LAMA2: variants seen among roughly 807,000 people sequenced by gnomAD.
LAMA2 encodes laminin subunit alpha 2.
LAMA2 carries 269 observed loss-of-function variants against 364.8 expected under a neutral mutation model. The ratio of observed to expected loss-of-function variants is 0.74; its 90% CI spans 0.67 to 0.82. The LOEUF (loss-of-function observed/expected upper bound fraction) is 0.82, where lower values mean the gene tolerates loss of function less well. Ranked by LOEUF, LAMA2 falls within the 40% of genes least tolerant of loss-of-function variation. The probability of loss-of-function intolerance (pLI) is 0.00; values close to 1 mark genes in which losing one functional copy is unlikely to be tolerated. For missense variants in LAMA2, 3,807 were observed against 3,873.2 expected (o/e 0.98, Z 0.45); for synonymous variants, 1,379 against 1,370.6 (o/e 1.01, Z -0.14).
At chr6:128,983,055 T>C (rs911301455) in intron 1 of LAMA2, among the ~76,000 whole-genome samples, 3 of 151,700 alleles carry the variant, frequency 2.0e-5, no homozygotes, top group Non-Finnish European at 4.4e-5. Context: ...CTATTGTGAA[T>C]AGTGCCGCAA....
At position 129,502,659 on chromosome 6, in the gene LAMA2, G is replaced by C. The variant is rs1292262843; in HGVS notation, c.8245G>C (p.Gly2749Arg). Residue 2749 changes from glycine to arginine, a missense_variant and splice_region_variant, in exon 59 of 65, where the codon GGT becomes CGT. Coordinates refer to ENST00000421865, the MANE Select transcript of LAMA2 (RefSeq NM_000426.4). ...TTTTTCTCTCCTGGGTATTTTACAG[G>C]GTCCTTGTGCTGCAGAATCAGAACC... ...FPTPTPVLTH[G>R]PCAAESEPAL... is the part of the protein sequence containing the mutation. 5 of 1,608,514 alleles carry C rather than the reference G, an allele frequency of 3.1e-6. No homozygotes were observed. Among genetic ancestry groups the C allele is most frequent in the South Asian group, 2.2e-5 (2 of 90,966 alleles).
intron 37 of LAMA2, among the ~76,000 whole-genome samples, chr6:129,393,840 A>T (rs1779458200): frequency 6.6e-6 from 1 of 152,210 alleles, no homozygotes; most frequent in Non-Finnish European, 1.5e-5. Context: ...GCTTGGAAAA[A>T]TTTTGGTTCC....
At chr6:129,384,225 C>T (rs1778851579) in intron 35 of LAMA2, among the ~76,000 whole-genome samples, 1 of 152,194 alleles carries the variant, frequency 6.6e-6, no homozygotes, top group Admixed American at 6.5e-5. Flanking sequence ...GGTTTATCCT[C>T]TGCTAGATGA....
chr6:129,508,878 T>C (rs1207506157), intron 62 of LAMA2, among the ~76,000 whole-genome samples: 3 of 152,202 alleles, frequency 2.0e-5, no homozygotes, highest in Non-Finnish European at 4.4e-5. Flanking sequence ...AAGAGTGGAA[T>C]TGATGGATCA....
intron 12 of LAMA2, among the ~76,000 whole-genome samples, chr6:129,205,492 A>ATG (rs1341061286): frequency 2.0e-5 from 2 of 99,798 alleles, no homozygotes; most frequent in Non-Finnish European, 3.9e-5. Context: ...ATATATATAT[A>ATG]TACACACACA....
chr6:129,116,329 A>G (rs986633360), intron 4 of LAMA2, among the ~76,000 whole-genome samples: 1 of 152,134 alleles, frequency 6.6e-6, no homozygotes, highest in African/African-American at 2.4e-5. Context: ...ATGTTTTTAG[A>G]ATTTTTCTTG....
intron 37 of LAMA2, among the ~76,000 whole-genome samples, chr6:129,400,032 A>G (rs1323838190): frequency 6.6e-6 from 1 of 152,146 alleles, no homozygotes; most frequent in Non-Finnish European, 1.5e-5. Context: ...TGCAATCAAA[A>G]CTTATTTCTT....
Position 129,402,328 on chromosome 6 carries a change from T to C in LAMA2, c.5567T>C (p.Val1856Ala). The change falls in exon 39 of 65, where the codon GTT (valine) becomes GCT (alanine). Residue 1856 changes from valine to alanine, a missense_variant. Around this residue, in one of 3 missense-constraint regions of LAMA2, gnomAD observed 3,333 missense variants for 3,345.7 expected, o/e 1.00. Transcript: ENST00000421865. Reference protein sequence around the residue: ...ADEINSIIDYVEDIQTKLPPM... With the variant: ...ADEINSIIDYAEDIQTKLPPM... ...GCCCTCTTCTCTACATATCAGTATG[T>C]TGAAGACATCCAAACTAAATTGCCA... The C allele has an allele frequency of 6.2e-7, 1 of 1,613,460 alleles. No individual in the cohort carries two copies. The highest frequency in any genetic ancestry group is 8.5e-7 in the Non-Finnish European group (1 of 1,179,454).
intron 8 of LAMA2, 111 bp downstream of exon 8, chr6:129,154,794 A>G: frequency 1.2e-6 from 1 of 857,632 alleles, no homozygotes; most frequent in Non-Finnish European, 1.9e-6. Flanking sequence ...GTTGAACTTC[A>G]AATTAAAAGG....
intron 1 of LAMA2, among the ~76,000 whole-genome samples, chr6:128,886,941 T>C (rs1334722851): frequency 3.9e-5 from 6 of 152,202 alleles, no homozygotes; most frequent in Non-Finnish European, 8.8e-5. Context: ...TCATCAACTG[T>C]CTAGCCATTT....
chr6:129,224,518 C>T (rs1315199559), intron 12 of LAMA2, among the ~76,000 whole-genome samples: 2 of 152,112 alleles, frequency 1.3e-5, no homozygotes, highest in Non-Finnish European at 2.9e-5. Context: ...GAGATACATC[C>T]CATCAATACC....
intron 20 of LAMA2, chr6:129,292,704 C>T (rs1424840442): frequency 4.3e-5 from 26 of 606,554 alleles, no homozygotes; most frequent in Non-Finnish European, 5.0e-5. Flanking sequence ...TCAAACTGGC[C>T]TTACTGTAGG....
chr6:129,464,467 C>T lies in LAMA2; in HGVS notation c.7155+15C>T. 2 of 1,603,318 alleles carry T rather than the reference C, an allele frequency of 1.2e-6. No individual in the cohort carries two copies. Among genetic ancestry groups the T allele is most frequent in the Non-Finnish European group, 1.7e-6 (2 of 1,170,638 alleles). On this transcript the variant is annotated intron_variant, in intron 50 of 64. Coordinates refer to ENST00000421865, the MANE Select transcript of LAMA2 (RefSeq NM_000426.4). Reference sequence around the variant, plus strand: ...CACGAGACCTGGTAAAGATCATATGCATAGCAGAGTTTCCGTGACTAAAAT... The same window carrying T: ...CACGAGACCTGGTAAAGATCATATGTATAGCAGAGTTTCCGTGACTAAAAT...
chr6:129,091,467 A>G (rs1314340165), intron 3 of LAMA2, among the ~76,000 whole-genome samples: 6 of 152,336 alleles, frequency 3.9e-5, no homozygotes, highest in Non-Finnish European at 8.8e-5. Flanking sequence ...CTCTTATAAT[A>G]CAGGAGCCAG....
intron 62 of LAMA2, among the ~76,000 whole-genome samples, chr6:129,509,111 GAGC>G (rs1050588322): frequency 6.6e-6 from 1 of 152,108 alleles, no homozygotes; most frequent in Non-Finnish European, 1.5e-5. Flanking sequence ...CAGTGATGTT[GAGC>G]CCCTTTTGAT....
chr6:129,057,724 G>A (rs568816860), intron 2 of LAMA2, among the ~76,000 whole-genome samples: 8 of 152,210 alleles, frequency 5.3e-5, no homozygotes, highest in South Asian at 4.2e-4. Flanking sequence ...TCAGCTACCC[G>A]TGTGCCAGCA....
At chr6:129,112,562 C>A (rs1485331711) in intron 4 of LAMA2, among the ~76,000 whole-genome samples, 2 of 151,886 alleles carry the variant, frequency 1.3e-5, no homozygotes, top group Non-Finnish European at 2.9e-5. Context: ...CAACATTTAG[C>A]TATTTTTTTC....
intron 3 of LAMA2, among the ~76,000 whole-genome samples, chr6:129,062,912 G>GTTTTTTT (rs368817743): frequency 1.5e-5 from 2 of 130,036 alleles, no homozygotes; most frequent in Admixed American, 7.9e-5. Flanking sequence ...ATTACAGTGG[G>GTTTTTTT]TTTTTTTTTT....
chr6:129,225,982 G>A (rs1047758330), intron 12 of LAMA2, among the ~76,000 whole-genome samples: 1 of 152,194 alleles, frequency 6.6e-6, no homozygotes, highest in Admixed American at 6.5e-5. Flanking sequence ...TCTCTTTGTA[G>A]GTCTCTAAGG....
Sources: allele counts gnomAD v4.1 joint callset (sites outside exome capture counted in the v4.1 genomes callset), GRCh38; gene constraint gnomAD v4.1.1; regional missense constraint gnomAD v4.1.1; transcripts MANE v1.5; gene names NCBI Gene and HGNC (gene_info 2026-07-23, HGNC 2026-07-21).